Variants in PGS1 observed in about 807,000 individuals in gnomAD.
The protein encoded by PGS1 is CDP-diacylglycerol--glycerol-3-phosphate 3-phosphatidyltransferase, mitochondrial.
Under a neutral mutation model 58.3 loss-of-function variants are expected in PGS1, and 44 were observed. The observed-to-expected ratio is 0.75, with a 90% CI of 0.59 to 0.97. The LOEUF is 0.97. PGS1 is among the 50% of genes least tolerant of loss of function. The probability of loss-of-function intolerance (pLI) is 0.00; values close to 1 mark genes in which losing one functional copy is unlikely to be tolerated. For synonymous variants in PGS1, 330 were observed against 311.0 expected (o/e 1.06, Z -0.64); for missense variants, 684 against 731.1 (o/e 0.94, Z 0.74).
At chr17:78,398,582 A>T (rs1169708295) in intron 4 of PGS1, among the ~76,000 whole-genome samples, 1 of 152,210 alleles carries the variant, frequency 6.6e-6, no homozygotes, top group Non-Finnish European at 1.5e-5. Flanking sequence ...CATGCCCTGT[A>T]GTCCCACTTG....
chr17:78,416,924 G>T (rs1005470191), intron 8 of PGS1, among the ~76,000 whole-genome samples: 2 of 152,138 alleles, frequency 1.3e-5, no homozygotes, highest in Admixed American at 6.5e-5. Context: ...CCCAGCCACC[G>T]TGGGCTCCCT....
At chr17:78,382,648 T>G (rs2082113485) in intron 1 of PGS1, 1 of 142,534 alleles carries the variant, frequency 7.0e-6, no homozygotes, top group East Asian at 2.0e-4. Flanking sequence ...TTTTTTTTTT[T>G]TTTTTTTTTT....
intron 9 of PGS1, 133 bp downstream of exon 9, chr17:78,419,808 C>G: frequency 6.7e-7 from 1 of 1,485,882 alleles, no homozygotes; most frequent in Non-Finnish European, 9.0e-7. Flanking sequence ...AGAGCAGCAT[C>G]TTCAGGGGTA....
chr17:78,411,902 CTTTTTTT>C (rs35472026), intron 7 of PGS1, among the ~76,000 whole-genome samples: 109 of 58,008 alleles, frequency 1.9e-3, no homozygotes, highest in African/African-American at 7.8e-3. Flanking sequence ...AGGGCTCCTG[CTTTTTTT>C]TTTTTTTTTT....
chr17:78,422,118 A>G (rs1348263686), intron 9 of PGS1, among the ~76,000 whole-genome samples: 1 of 152,214 alleles, frequency 6.6e-6, no homozygotes, highest in Non-Finnish European at 1.5e-5. Context: ...AAAACGTCAC[A>G]TTTTGTGGTT....
chr17:78,411,736 A>G (rs1034161750), intron 7 of PGS1, among the ~76,000 whole-genome samples: 1 of 152,136 alleles, frequency 6.6e-6, no homozygotes, highest in African/African-American at 2.4e-5. Flanking sequence ...ACCAGTTTAC[A>G]GCCTTGGACT....
intron 7 of PGS1, among the ~76,000 whole-genome samples, chr17:78,411,902 CTTTTTTTTTTTT>C (rs35472026): frequency 6.4e-4 from 37 of 58,012 alleles, no homozygotes; most frequent in Admixed American, 1.5e-3. Context: ...AGGGCTCCTG[CTTTTTTTTTTTT>C]TTTTTTTTTT....
intron 3 of PGS1, among the ~76,000 whole-genome samples, chr17:78,397,123 A>T (rs1478747142): frequency 6.6e-6 from 1 of 152,218 alleles, no homozygotes; most frequent in Non-Finnish European, 1.5e-5. Flanking sequence ...ACAGTGAGAT[A>T]GGTGGGTGGG....
rs562830794 is a variant in PGS1 at position 78,400,283 on chromosome 17, G to T, written c.702-394G>T. On this transcript the variant is annotated intron_variant, in intron 5 of 9. Transcript: ENST00000262764. The surrounding 1 kb of genome is among the most constrained non-coding windows in gnomAD (Gnocchi z 4.4). ...ACCTGTAATCCCAGCTACTCGGGAG[G>T]CTGAGGCAGGAGGATCACTTGAACC... Among the ~76,000 whole-genome samples the T allele has an allele frequency of 5.9e-5, 9 of 152,200 alleles. No homozygotes were observed. In the South Asian group the frequency reaches 1.9e-3, roughly 32 times the overall value.
intron 7 of PGS1, among the ~76,000 whole-genome samples, chr17:78,412,555 C>G (rs1357194919): frequency 6.6e-6 from 1 of 152,146 alleles, no homozygotes; most frequent in Non-Finnish European, 1.5e-5. Flanking sequence ...TCTAGGTGGC[C>G]TCATAAAGAA....
intron 9 of PGS1, chr17:78,422,061 T>G (rs1449444097): frequency 6.6e-6 from 1 of 152,256 alleles, no homozygotes; most frequent in Admixed American, 6.5e-5. Flanking sequence ...AATATGTATG[T>G]GTGGACTAGA....
intron 7 of PGS1, among the ~76,000 whole-genome samples, chr17:78,406,688 C>G (rs985644418): frequency 1.3e-5 from 2 of 152,238 alleles, no homozygotes; most frequent in Admixed American, 6.5e-5. Context: ...GGCGTTACTT[C>G]TGGGAATAAC....
chr17:78,421,898 A>AGCGGGCG (rs138437275), intron 9 of PGS1: 2,152 of 152,082 alleles, frequency 0.014, 21 homozygotes, highest in Admixed American at 0.031. Context: ...AACAGAGAGC[A>AGCGGGCG]GCGGGCGGCG....
In PGS1 at chr17:78,403,863, C is replaced by G. The variant is rs756641811; in HGVS notation, c.1176C>G (p.Thr392=). The part of the protein sequence containing the change: ...VYLTTGYFNL[T]QAYMDLVLGT... ...TCACCACTGGCTATTTCAACCTGAC[C>G]CAGGCCTACATGGACCTGGTCTTGG... The change falls in exon 7 of 10, where the codon ACC becomes ACG. Residue 392 remains threonine (T), a synonymous_variant. Coordinates refer to ENST00000262764, the MANE Select transcript of PGS1 (RefSeq NM_024419.5). 1.6e-5 allele frequency: 26 copies of G among 1,614,264 alleles called. No homozygotes were observed. The highest frequency in any genetic ancestry group is 2.1e-5 in the Non-Finnish European group (25 of 1,180,048).
Position 78,387,128 on chromosome 17 carries a change from C to G in PGS1, c.144-5348C>G, listed in dbSNP as rs577514381. 2.1e-3 allele frequency among the ~76,000 whole-genome samples: 318 copies of G among 152,248 alleles called. 3 individuals carry two copies. Among genetic ancestry groups the G allele is most frequent in the Non-Finnish European group, 1.6e-3 (111 of 68,010 alleles). On this transcript the variant is annotated intron_variant, in intron 1 of 9. Coordinates refer to ENST00000262764, the MANE Select transcript of PGS1 (RefSeq NM_024419.5). ...AACCAATTCTCCTGACTCAGCCTCC[C>G]GAGTAGCTGGGACTATAGGCGTGCG...
chr17:78,390,319 CGG>C (rs1011500944), intron 1 of PGS1, among the ~76,000 whole-genome samples: 6 of 87,798 alleles, frequency 6.8e-5, no homozygotes, highest in African/African-American at 2.7e-4. Context: ...CCTCTAGAGA[CGG>C]GGGTGGGGGA....
Position 78,397,577 on chromosome 17 carries a change from C to T in PGS1, c.412-675C>T, listed in dbSNP as rs887576562. 3.1e-5 allele frequency among the ~76,000 whole-genome samples: 4 copies of T among 128,362 alleles called. No individual in the cohort carries two copies. In the South Asian group the frequency reaches 7.6e-4, roughly 24 times the overall value. The allele number at this position is 128,362 out of a possible 152,430, so 84.2% of individuals were successfully genotyped here. A position where few individuals can be genotyped will look rare whatever the true frequency, so the allele number is the denominator to read the frequency against. Reference sequence around the variant, plus strand: ...TCAGCCTCCCGAGTAGTTGGGATTACAGGCATGCGCCACCCCCCCAGCTAA... The same window carrying T: ...TCAGCCTCCCGAGTAGTTGGGATTATAGGCATGCGCCACCCCCCCAGCTAA... On this transcript the variant is annotated intron_variant, in intron 3 of 9. Coordinates refer to ENST00000262764, the MANE Select transcript of PGS1 (RefSeq NM_024419.5).
chr17:78,410,985 C>T (rs1210252338), intron 7 of PGS1, among the ~76,000 whole-genome samples: 2 of 152,146 alleles, frequency 1.3e-5, no homozygotes, highest in Non-Finnish European at 1.5e-5. Context: ...TAAGCAGATG[C>T]GTCTCTACAA....
chr17:78,422,412 G>A (rs559417201), intron 9 of PGS1, among the ~76,000 whole-genome samples: 1 of 131,848 alleles, frequency 7.6e-6, no homozygotes, highest in South Asian at 2.6e-4. Context: ...CTTAACCCAT[G>A]ATTTAGGTGA....
Sources: gnomAD v4.1 joint callset for allele counts (sites outside exome capture counted in the v4.1 genomes callset) on GRCh38, gnomAD v4.1.1 for gene constraint, Gnocchi (gnomAD v3.1) non-coding constraint, MANE v1.5 for transcripts, NCBI Gene and HGNC (gene_info 2026-07-23, HGNC 2026-07-21) for gene names.